TFB1M: variants seen among roughly 807,000 people sequenced by gnomAD.
The protein encoded by TFB1M is dimethyladenosine transferase 1, mitochondrial.
TFB1M carries 27 observed loss-of-function variants against 31.1 expected under a neutral mutation model. That is an observed-to-expected ratio of 0.87 (90% confidence interval 0.64 to 1.20). The LOEUF (loss-of-function observed/expected upper bound fraction) is 1.20. Among genes scored for constraint, TFB1M ranks in the 50% most tolerant of loss-of-function variants. The pLI is 0.00. For synonymous variants in TFB1M, 166 were observed against 151.8 expected (o/e 1.09, Z -0.69); for missense variants, 394 against 418.7 (o/e 0.94, Z 0.51).
At chr6:155,241,928 A>G in the TFB1M span, among the ~76,000 whole-genome samples, 7 of 152,302 alleles carry the variant, frequency 4.6e-5, no homozygotes, top group Non-Finnish European at 1.0e-4. Context: ...CTCTTGCCCC[A>G]AGAGTTAAGG....
In TFB1M at chr6:155,256,941, CAAG is replaced by C. The variant is rs764399216; in HGVS notation, c.*892_*894del. ...CCATTAAACGAAAAGCCAACAGCAC[CAAG>C]AGGGACAGAGGAACTTTGCTCAAGG... On this transcript the variant is annotated 3_prime_UTR_variant, in exon 7 of 7. Transcript: ENST00000367166. The C allele has an allele frequency of 5.0e-6, 8 of 1,614,140 alleles. No homozygotes were observed.
the TFB1M span, chr6:155,248,072 A>C: frequency 6.2e-7 from 1 of 1,614,224 alleles, no homozygotes; most frequent in East Asian, 2.2e-5. Flanking sequence ...TCCACGCTGG[A>C]GTCCTACCTC....
chr6:155,271,664 T>C (rs971415171), intron 5 of TFB1M, among the ~76,000 whole-genome samples: 2 of 152,226 alleles, frequency 1.3e-5, no homozygotes, highest in African/African-American at 4.8e-5. Context: ...GTCTCAACTC[T>C]CATTTGCAAG....
At chr6:155,250,886 TC>T in the TFB1M span, 1 of 1,605,720 alleles carries the variant, frequency 6.2e-7, no homozygotes. Context: ...TTCCGTATCT[TC>T]CTTACCTCCT....
In TFB1M at chr6:155,267,541, G is replaced by A. The variant is rs138663830; in HGVS notation, c.667-7141C>T. Among the ~76,000 whole-genome samples, 11 of 152,334 alleles carry A rather than the reference G, an allele frequency of 7.2e-5. No individual in the cohort carries two copies. In the East Asian group the frequency reaches 1.9e-3, roughly 27 times the overall value. ...TAGAGAAGCTTTTGGGTGTGGACAA[G>A]CTCTGATTGGTGAGTGACGACAGCA... On this transcript the variant is annotated intron_variant, in intron 5 of 6. Transcript: ENST00000367166.
At chr6:155,246,005 C>A in the TFB1M span, among the ~76,000 whole-genome samples, 1 of 151,752 alleles carries the variant, frequency 6.6e-6, no homozygotes, top group Non-Finnish European at 1.5e-5. Context: ...TTGCCAAATT[C>A]CTTTCTCTAA....
intron 5 of TFB1M, among the ~76,000 whole-genome samples, chr6:155,276,735 C>G (rs560170510): frequency 6.6e-6 from 1 of 152,166 alleles, no homozygotes; most frequent in Non-Finnish European, 1.5e-5. Flanking sequence ...ATAAAAAGTA[C>G]CTTGCCCTGG....
intron 2 of TFB1M, among the ~76,000 whole-genome samples, chr6:155,305,607 A>G (rs1394804375): frequency 6.2e-5 from 3 of 48,402 alleles, no homozygotes; most frequent in Non-Finnish European, 1.0e-4. Context: ...ATATAAATAT[A>G]TATATATTAA....
intron 5 of TFB1M, among the ~76,000 whole-genome samples, chr6:155,275,257 T>C (rs1019999381): frequency 3.9e-5 from 6 of 152,250 alleles, no homozygotes; most frequent in East Asian, 1.9e-4. Context: ...TAAAATCATT[T>C]GAAAAACCTA....
chr6:155,252,576 A>C (rs565835853), downstream of TFB1M, among the ~76,000 whole-genome samples: 4 of 152,364 alleles, frequency 2.6e-5, no homozygotes, highest in East Asian at 7.7e-4. Context: ...CCATAAACAT[A>C]GTCTGTGAAA....
the TFB1M span, among the ~76,000 whole-genome samples, chr6:155,232,349 C>T: frequency 2.0e-5 from 3 of 151,922 alleles, no homozygotes; most frequent in Non-Finnish European, 2.9e-5. Flanking sequence ...AGTGTCATTG[C>T]GCTCTGAGAT....
chr6:155,242,477 A>C, the TFB1M span, among the ~76,000 whole-genome samples: 7 of 152,160 alleles, frequency 4.6e-5, no homozygotes, highest in African/African-American at 9.7e-5. Context: ...TGGTGAGGGA[A>C]GGCCAGGGAG....
At chr6:155,303,079 A>G (rs1777508543) in intron 2 of TFB1M, 1 of 152,250 alleles carries the variant, frequency 6.6e-6, no homozygotes, top group Non-Finnish European at 1.5e-5. Context: ...TTGACACATA[A>G]TAATTGTGTG....
At chr6:155,282,494 T>C (rs1283894053) in intron 5 of TFB1M, among the ~76,000 whole-genome samples, 1 of 152,210 alleles carries the variant, frequency 6.6e-6, no homozygotes, top group African/African-American at 2.4e-5. Flanking sequence ...AGAGTTTTGA[T>C]TGAGAATAAG....
In TFB1M at chr6:155,257,970, G is replaced by A; in HGVS notation, c.907C>T (p.Leu303Phe). The A allele has an allele frequency of 6.2e-7, 1 of 1,614,202 alleles. No individual in the cohort carries two copies. The highest frequency in any genetic ancestry group is 8.5e-7 in the Non-Finnish European group (1 of 1,180,044). The change falls in exon 7 of 7, where the codon CTC becomes TTC. Residue 303 changes from leucine to phenylalanine, a missense_variant. Leu to Phe is a conservative substitution (Grantham distance 22, BLOSUM62 0). Coordinates refer to ENST00000367166, the MANE Select transcript of TFB1M (RefSeq NM_016020.4). ...RQLSISHFKS[L>F]CDVYRKMCDE... Reference sequence around the variant, plus strand: ...CACATTTTTCTGTATACATCACAGAGGCTCTTAAAGTGTGAGATGGAGAGC... The same window carrying A: ...CACATTTTTCTGTATACATCACAGAAGCTCTTAAAGTGTGAGATGGAGAGC...
intron 5 of TFB1M, chr6:155,275,954 G>A: frequency 6.2e-7 from 1 of 1,614,150 alleles, no homozygotes; most frequent in African/African-American, 1.3e-5. Context: ...CCACGTGCAG[G>A]CTGCGAGAGC....
chr6:155,250,614 C>T, the TFB1M span: 1 of 1,535,954 alleles, frequency 6.5e-7, no homozygotes, highest in East Asian at 2.4e-5. Flanking sequence ...CTGGAAGAAC[C>T]ACGGACACTG....
downstream of TFB1M, chr6:155,253,825 C>T: frequency 1.7e-6 from 1 of 591,198 alleles, no homozygotes; most frequent in Non-Finnish European, 2.9e-6. Flanking sequence ...CTGTGAAAAT[C>T]ATACATAGAA....
At chr6:155,286,534 TAC>T (rs1465888914) in intron 4 of TFB1M, among the ~76,000 whole-genome samples, 2 of 143,310 alleles carry the variant, frequency 1.4e-5, no homozygotes, top group Non-Finnish European at 3.0e-5. Context: ...TGTATATATA[TAC>T]ATGTGTATAT....
Sources: gnomAD v4.1 joint callset for allele counts (sites outside exome capture counted in the v4.1 genomes callset) on GRCh38, gnomAD v4.1.1 for gene constraint, MANE v1.5 for transcripts, NCBI Gene and HGNC (gene_info 2026-07-23, HGNC 2026-07-21) for gene names.